DLK1: variants seen among roughly 807,000 people sequenced by gnomAD.
DLK1 encodes delta like non-canonical Notch ligand 1.
A neutral mutation model predicts 35.2 loss-of-function variants in DLK1; 9 were observed. The ratio of observed to expected loss-of-function variants is 0.26; its 90% CI spans 0.15 to 0.45. DLK1 has a LOEUF of 0.45. Among genes scored for constraint, DLK1 ranks in the 20% least tolerant of loss-of-function variants. DLK1 has a pLI of 1.00. For synonymous variants in DLK1, 231 were observed against 228.4 expected, an observed-to-expected ratio of 1.01 and a Z score of -0.10; for missense variants, 522 against 528.5, an observed-to-expected ratio of 0.99 and a Z score of 0.12.
At position 100,734,563 on chromosome 14, in the gene DLK1, C is replaced by G. The variant is rs766810694; in HGVS notation, c.819C>G (p.His273Gln). Residue 273 changes from histidine (H) to glutamine (Q), a missense_variant, in exon 5 of 5, where the codon CAC (histidine) becomes CAG (glutamine). Physicochemically the swap from His to Gln is conservative, Grantham distance 24. Transcript: ENST00000341267. The surrounding 1 kb of genome is among the most constrained non-coding windows in gnomAD (Gnocchi z 7.4). Reference protein sequence around the residue: ...GLAYRLTPGVHELPVQQPEHR... With the variant: ...GLAYRLTPGVQELPVQQPEHR... ...CCTACCGCCTGACCCCTGGGGTGCACGAGCTGCCGGTGCAGCAGCCGGAGC... is the reference window on the plus strand; with the variant it reads ...CCTACCGCCTGACCCCTGGGGTGCAGGAGCTGCCGGTGCAGCAGCCGGAGC... The G allele has an allele frequency of 1.9e-6, 3 of 1,612,982 alleles. No homozygotes were observed. Among genetic ancestry groups the G allele is most frequent in the Non-Finnish European group, 2.5e-6 (3 of 1,179,888 alleles).
In DLK1 at chr14:100,732,163, C is replaced by T. The variant is rs774840188; in HGVS notation, c.384C>T (p.Asp128=). 2.0e-5 allele frequency: 32 copies of T among 1,613,746 alleles called. No homozygotes were observed. The highest frequency in any genetic ancestry group is 1.7e-4 in the Admixed American group (10 of 59,958). Residue 128 remains aspartate, a synonymous_variant, in exon 4 of 5, where the codon GAC becomes GAT. Coordinates refer to ENST00000341267, the MANE Select transcript of DLK1 (RefSeq NM_003836.7). ...CGGGAAAGGACTGCCAGAAAAAGGA[C>T]GGGCCCTGTGTGATCAACGGGTAAA... ...GYSGKDCQKK[D]GPCVINGSPC...
chr14:100,728,060 T>C (rs895116151), intron 1 of DLK1, among the ~76,000 whole-genome samples: 4 of 152,174 alleles, frequency 2.6e-5, no homozygotes, highest in African/African-American at 9.7e-5. Context: ...GCTCAACATA[T>C]TTCCCTCCAC....
In DLK1 at chr14:100,736,194, C is replaced by T. The variant is rs2036570236; in HGVS notation, c.*1298C>T. Reference sequence around the variant, plus strand: ...CTTTTTTTTTTTTTTTAACAAAGAGCATCTATCTTTTTTGCAAAAATAGAA... The same window carrying T: ...CTTTTTTTTTTTTTTTAACAAAGAGTATCTATCTTTTTTGCAAAAATAGAA... On this transcript the variant is annotated 3_prime_UTR_variant, in exon 5 of 5. Coordinates refer to ENST00000341267, the MANE Select transcript of DLK1 (RefSeq NM_003836.7). 4 of 149,748 alleles carry T rather than the reference C, an allele frequency of 2.7e-5. No individual in the cohort carries two copies. Among genetic ancestry groups the T allele is most frequent in the African/African-American group, 7.4e-5 (3 of 40,484 alleles). 9.3% of individuals were successfully genotyped at this position (149,748 alleles called of 1,614,324 possible). A position where few individuals can be genotyped will look rare whatever the true frequency, so the allele number is the denominator to read the frequency against.
intron 3 of DLK1, chr14:100,729,356 C>T: frequency 1.6e-6 from 1 of 634,450 alleles, no homozygotes; most frequent in South Asian, 1.8e-5. Context: ...ACAAAATACA[C>T]ATACAGCTGG....
chr14:100,727,871 A>G (rs898571294), intron 1 of DLK1, among the ~76,000 whole-genome samples: 6 of 152,002 alleles, frequency 3.9e-5, no homozygotes, highest in African/African-American at 1.2e-4. Flanking sequence ...TAGGGGAAAG[A>G]GGGAAGATTT....
At position 100,734,287 on chromosome 14, in the gene DLK1, C is replaced by T. The variant is rs151102909; in HGVS notation, c.543C>T (p.Asn181=). The T allele has an allele frequency of 1.2e-4, 191 of 1,613,352 alleles. No individual in the cohort carries two copies. Among genetic ancestry groups the T allele is most frequent in the Non-Finnish European group, 1.5e-4 (181 of 1,180,018 alleles). The part of the protein sequence containing the change: ...ANSCTPNPCE[N]DGVCTDIGGD... ...GCTGCACCCCCAACCCATGCGAGAA[C>T]GACGGCGTCTGCACTGACATTGGGG... The change falls in exon 5 of 5, where the codon AAC becomes AAT. Residue 181 remains asparagine (N), a synonymous_variant. Coordinates refer to ENST00000341267, the MANE Select transcript of DLK1 (RefSeq NM_003836.7). The surrounding 1 kb of genome is among the most constrained non-coding windows in gnomAD (Gnocchi z 7.4).
Position 100,734,215 on chromosome 14 carries a change from G to T in DLK1, c.471G>T (p.Leu157=). The change falls in exon 5 of 5, where the codon CTG becomes CTT. Residue 157 remains leucine (L), a synonymous_variant. Coordinates refer to ENST00000341267, the MANE Select transcript of DLK1 (RefSeq NM_003836.7). The surrounding 1 kb of genome is among the most constrained non-coding windows in gnomAD (Gnocchi z 7.4). ...DEGRASHASC[L]CPPGFSGNFC... The stretch of plus-strand genomic sequence containing the variant: ...GCCGGGCCTCCCATGCCTCCTGCCT[G>T]TGCCCCCCTGGCTTCTCAGGCAATT... The T allele has an allele frequency of 6.2e-7, 1 of 1,613,222 alleles. No individual in the cohort carries two copies.
intron 2 of DLK1, 150 bp downstream of exon 2, chr14:100,728,609 G>T (rs1014395777): frequency 7.2e-6 from 2 of 278,106 alleles, no homozygotes; most frequent in African/African-American, 2.6e-5. Context: ...GGGCGAGCTG[G>T]GGAGATGGGG....
At chr14:100,730,193 C>G (rs2036491483) in intron 3 of DLK1, among the ~76,000 whole-genome samples, 1 of 152,210 alleles carries the variant, frequency 6.6e-6, no homozygotes, top group Non-Finnish European at 1.5e-5. Flanking sequence ...CTGACTCATG[C>G]TCTGGCCAGC....
At chr14:100,728,275 G>A in intron 1 of DLK1, 121 bp from the exon 2 acceptor site, 2 of 1,044,606 alleles carry the variant, frequency 1.9e-6, no homozygotes, top group South Asian at 1.3e-5. Flanking sequence ...TGCCAGGCTG[G>A]TAGGACCCAA....
chr14:100,731,217 G>A, intron 3 of DLK1, among the ~76,000 whole-genome samples: 1 of 152,174 alleles, frequency 6.6e-6, no homozygotes, highest in East Asian at 1.9e-4. Context: ...GCCCCACTGG[G>A]GAGCTGGGGT....
At position 100,734,361 on chromosome 14, in the gene DLK1, G is replaced by T. The variant is rs761726417; in HGVS notation, c.617G>T (p.Ser206Ile). The T allele has an allele frequency of 2.5e-6, 4 of 1,612,474 alleles. No homozygotes were observed. The highest frequency in any genetic ancestry group is 3.4e-6 in the Non-Finnish European group (4 of 1,179,586). ...CPAGFIDKTC[S>I]RPVTNCASSP... Reference sequence around the variant, plus strand: ...GCCGGCTTCATCGACAAGACCTGCAGCCGCCCGGTGACCAACTGCGCCAGC... The same window carrying T: ...GCCGGCTTCATCGACAAGACCTGCATCCGCCCGGTGACCAACTGCGCCAGC... The change falls in exon 5 of 5, where the codon AGC becomes ATC. Residue 206 changes from serine (S) to isoleucine (I), a missense_variant. Ser to Ile is a moderately radical substitution (Grantham distance 142, BLOSUM62 -2). Transcript: ENST00000341267. This position sits in a 1 kb window ranked among gnomAD's most constrained non-coding sequence, Gnocchi z 7.4.
At chr14:100,731,898 G>A in intron 3 of DLK1, 144 bp from the exon 4 acceptor site, 1 of 1,022,978 alleles carries the variant, frequency 9.8e-7, no homozygotes, top group Non-Finnish European at 1.3e-6. Flanking sequence ...CTCACTTCAT[G>A]GGTTTTTTTG....
intron 1 of DLK1, 90 bp downstream of exon 1, chr14:100,727,225 T>G: frequency 7.4e-7 from 1 of 1,346,354 alleles, no homozygotes; most frequent in South Asian, 1.4e-5. Flanking sequence ...CCCCGTCTCG[T>G]GAGCCCCAAC....
chr14:100,729,393 G>T (rs534372254), intron 3 of DLK1, among the ~76,000 whole-genome samples: 10 of 152,284 alleles, frequency 6.6e-5, no homozygotes, highest in Admixed American at 6.5e-4. Context: ...ACCCCAGGCT[G>T]CCTGTCCAGG....
In DLK1 at chr14:100,727,093, C is replaced by T; in HGVS notation, c.25C>T (p.Arg9Cys). Residue 9 changes from arginine (R) to cysteine (C), a missense_variant, in exon 1 of 5, where the codon CGC becomes TGC. Arg to Cys is a radical substitution (Grantham distance 180). Transcript: ENST00000341267. ...GATGACCGCGACCGAAGCCCTCCTG[C>T]GCGTCCTCTTGCTCCTGCTGGCTTT... Reference protein sequence around the residue: MTATEALLRVLLLLLAFGH... With the variant: MTATEALLCVLLLLLAFGH... The T allele has an allele frequency of 6.3e-7, 1 of 1,593,752 alleles. No homozygotes were observed.
intron 3 of DLK1, 90 bp from the exon 4 acceptor site, chr14:100,731,952 C>T: frequency 3.4e-6 from 5 of 1,480,146 alleles, no homozygotes; most frequent in South Asian, 2.8e-5. Flanking sequence ...CACTCGGTGG[C>T]CATAGAGCCA....
At chr14:100,732,916 C>G (rs898433336) in intron 4 of DLK1, among the ~76,000 whole-genome samples, 1 of 152,222 alleles carries the variant, frequency 6.6e-6, no homozygotes, top group Non-Finnish European at 1.5e-5. Flanking sequence ...AGAATCCAAA[C>G]TTGAACCCAG....
rs746913891 is a variant in DLK1 at position 100,727,031 on chromosome 14, C to T, written c.-38C>T. 5.2e-6 allele frequency: 8 copies of T among 1,541,010 alleles called. No individual in the cohort carries two copies. The East Asian group carries it at 1.0e-4, about 20-fold the overall frequency. On this transcript the variant is annotated 5_prime_UTR_variant, in exon 1 of 5. Transcript: ENST00000341267. ...CGGCGCCAGGAGCCGGACCCGCGCC[C>T]GCACCGCTCCCGGGACCGCGACCCC...
Sources: allele counts gnomAD v4.1 joint callset (sites outside exome capture counted in the v4.1 genomes callset), GRCh38; gene constraint gnomAD v4.1.1; non-coding constraint Gnocchi (gnomAD v3.1); transcripts MANE v1.5; gene names NCBI Gene and HGNC (gene_info 2026-07-23, HGNC 2026-07-21).